The following WDFY4 variants were observed in gnomAD, a reference collection of about 807,000 sequenced individuals.
WDFY4 encodes WDFY family member 4.
In WDFY4, 169 loss-of-function variants were observed where a neutral mutation model predicts 351.9. The observed-to-expected ratio is 0.48, with a 90% CI of 0.42 to 0.55. WDFY4 has a LOEUF of 0.55. Among genes scored for constraint, WDFY4 ranks in the 20% least tolerant of loss-of-function variants. The pLI, the probability that WDFY4 is intolerant of heterozygous loss-of-function variation, is 0.00. For missense variants in WDFY4, 3,803 were observed against 3,935.6 expected, an observed-to-expected ratio of 0.97 and a Z score of 0.90; for synonymous variants, 1,622 against 1,574.6, an observed-to-expected ratio of 1.03 and a Z score of -0.71.
intron 12 of WDFY4, among the ~76,000 whole-genome samples, chr10:48,755,437 C>A (rs950455442): frequency 2.6e-5 from 4 of 152,118 alleles, no homozygotes; most frequent in Admixed American, 2.6e-4. Flanking sequence ...TATCTAAGAT[C>A]TCTTTGCCTG....
intron 39 of WDFY4, among the ~76,000 whole-genome samples, chr10:48,851,508 T>A (rs577063991): frequency 2.0e-5 from 3 of 152,264 alleles, no homozygotes; most frequent in South Asian, 2.1e-4. Context: ...CCCCTCTGAG[T>A]TTAGTCCCAG....
chr10:48,744,232 C>G (rs1340160889), intron 12 of WDFY4, among the ~76,000 whole-genome samples: 1 of 152,174 alleles, frequency 6.6e-6, no homozygotes, highest in Non-Finnish European at 1.5e-5. Flanking sequence ...CAGTTGGTGT[C>G]TTTTTCCATT....
chr10:48,876,980 T>C, intron 42 of WDFY4, 53 bp from the exon 43 acceptor site: 2 of 1,435,184 alleles, frequency 1.4e-6, no homozygotes, highest in South Asian at 3.0e-5. Flanking sequence ...CACCGGCCCT[T>C]ACCATGTCAG....
chr10:48,714,557 C>T (rs1438724312), intron 2 of WDFY4, among the ~76,000 whole-genome samples: 1 of 152,294 alleles, frequency 6.6e-6, no homozygotes, highest in Admixed American at 6.5e-5. Flanking sequence ...TATGGTCTCA[C>T]ACCAAGGGAA....
chr10:48,832,756 C>A, intron 39 of WDFY4, 47 bp downstream of exon 39: 1 of 1,480,830 alleles, frequency 6.8e-7, no homozygotes. Context: ...GCATTTGCTT[C>A]AAACCCCATG....
At chr10:48,944,986 A>G (rs1840963998) in intron 49 of WDFY4, among the ~76,000 whole-genome samples, 1 of 151,848 alleles carries the variant, frequency 6.6e-6, no homozygotes, top group African/African-American at 2.4e-5. Context: ...GGGCCATTTC[A>G]CTCTTGCCCC....
At chr10:48,942,999 C>A (rs1011398945) in intron 48 of WDFY4, among the ~76,000 whole-genome samples, 3 of 152,206 alleles carry the variant, frequency 2.0e-5, no homozygotes, top group Non-Finnish European at 4.4e-5. Flanking sequence ...TCAGTTCACC[C>A]ACAGCATTTG....
chr10:48,870,889 G>A (rs1365099412), intron 40 of WDFY4, among the ~76,000 whole-genome samples: 1 of 151,888 alleles, frequency 6.6e-6, no homozygotes, highest in East Asian at 1.9e-4. Context: ...AAGACCCAGG[G>A]AGCTGTGCAT....
chr10:48,725,931 A>T lies in WDFY4; in HGVS notation c.642A>T (p.Ser214=). ...CTCAGGGCCTGGAGGGACTCCTCTCAGGAAGTGAGCTGCAGTCTCTGCTGA... is the reference window on the plus strand; with the variant it reads ...CTCAGGGCCTGGAGGGACTCCTCTCTGGAAGTGAGCTGCAGTCTCTGCTGA... ...SDSQGLEGLL[S]GSELQSLLIA... The change falls in exon 6 of 62, where the codon TCA becomes TCT. Residue 214 remains serine (S), a synonymous_variant. Coordinates refer to ENST00000325239, the MANE Select transcript of WDFY4 (RefSeq NM_001394531.1). 1 of 1,551,570 alleles carries T rather than the reference A, an allele frequency of 6.4e-7. No homozygotes were observed. Among genetic ancestry groups the T allele is most frequent in the Non-Finnish European group, 8.7e-7 (1 of 1,146,854 alleles).
intron 39 of WDFY4, among the ~76,000 whole-genome samples, chr10:48,847,509 C>T (rs529313797): frequency 6.6e-6 from 1 of 152,112 alleles, no homozygotes; most frequent in Admixed American, 6.5e-5. Context: ...TATCCAAACC[C>T]CCTCCAGTAA....
chr10:48,699,966 C>G (rs538974976), intron 1 of WDFY4, among the ~76,000 whole-genome samples: 1 of 152,320 alleles, frequency 6.6e-6, no homozygotes, highest in South Asian at 2.1e-4. Flanking sequence ...ATTCCTGAGA[C>G]CCACCCCAGA....
In WDFY4 at chr10:48,741,471, AAAAAAAAAAT is replaced by A. The variant is rs2064848778; in HGVS notation, c.1879-1496_1879-1487del. ...CCGTCTCAAAAAAAAAAAAAAAAAA[AAAAAAAAAAT>A]GGAGCTCCCAAAGTGCATGACTTCA... On this transcript the variant is annotated intron_variant, in intron 11 of 61. Coordinates refer to ENST00000325239, the MANE Select transcript of WDFY4 (RefSeq NM_001394531.1). Among the ~76,000 whole-genome samples the A allele has an allele frequency of 7.3e-5, 11 of 151,354 alleles. 1 individual carries two copies. Among genetic ancestry groups the A allele is most frequent in the Middle Eastern group, 3.4e-3 (1 of 292 alleles).
At chr10:48,857,631 C>T (rs1264564504) in intron 39 of WDFY4, among the ~76,000 whole-genome samples, 1 of 152,082 alleles carries the variant, frequency 6.6e-6, no homozygotes, top group Non-Finnish European at 1.5e-5. Context: ...GTTATTTAGC[C>T]AGTCTATTAT....
intron 10 of WDFY4, 95 bp downstream of exon 10, chr10:48,734,130 A>G (rs2064563627): frequency 1.1e-5 from 12 of 1,074,616 alleles, no homozygotes; most frequent in Non-Finnish European, 1.4e-5. Flanking sequence ...ATACTCAAGG[A>G]GTAACCAATA....
chr10:48,916,063 C>T (rs1479395388), intron 47 of WDFY4, among the ~76,000 whole-genome samples: 12 of 152,194 alleles, frequency 7.9e-5, no homozygotes, highest in African/African-American at 2.9e-4. Context: ...GCAAGTAAAG[C>T]CTTGGGCAGA....
chr10:48,787,720 G>A (rs1432254760), intron 20 of WDFY4, among the ~76,000 whole-genome samples: 2 of 152,118 alleles, frequency 1.3e-5, no homozygotes, highest in Non-Finnish European at 2.9e-5. Flanking sequence ...CGCACCTGGA[G>A]TGCATCTATT....
chr10:48,873,776 C>T (rs2069880227), intron 41 of WDFY4, 79 bp downstream of exon 41: 2 of 1,451,892 alleles, frequency 1.4e-6, no homozygotes, highest in Non-Finnish European at 1.9e-6. Context: ...TTCCCCATCA[C>T]ATGTTGTTTA....
At chr10:48,777,339 A>T (rs2066067252) in intron 16 of WDFY4, 80 bp from the exon 17 acceptor site, 1 of 1,314,150 alleles carries the variant, frequency 7.6e-7, no homozygotes, top group Non-Finnish European at 1.1e-6. Flanking sequence ...GAGTGGGAAG[A>T]TGTCATGGCC....
intron 47 of WDFY4, among the ~76,000 whole-genome samples, chr10:48,917,511 A>G (rs1838659908): frequency 6.6e-6 from 1 of 152,252 alleles, no homozygotes; most frequent in Admixed American, 6.5e-5. Context: ...ACAATGACGT[A>G]TCACCCACAG....
Sources: allele counts gnomAD v4.1 joint callset (sites outside exome capture counted in the v4.1 genomes callset), GRCh38; gene constraint gnomAD v4.1.1; transcripts MANE v1.5; gene names NCBI Gene and HGNC (gene_info 2026-07-23, HGNC 2026-07-21).